Variants in NTM observed in about 807,000 individuals in gnomAD.
NTM encodes neurotrimin.
A neutral mutation model predicts 42.1 loss-of-function variants in NTM; 13 were observed. The ratio of observed to expected loss-of-function variants is 0.31; its 90% CI spans 0.20 to 0.49. The LOEUF (loss-of-function observed/expected upper bound fraction) is 0.49, where lower values mean the gene tolerates loss of function less well. NTM is among the 20% of genes least tolerant of loss of function. The probability of loss-of-function intolerance (pLI) is 0.99; values close to 1 mark genes in which losing one functional copy is unlikely to be tolerated. For missense variants in NTM, 373 were observed against 452.8 expected (o/e 0.82, Z 1.60); for synonymous variants, 187 against 179.2 (o/e 1.04, Z -0.35).
chr11:132,104,036 C>G (rs1173904832), intron 2 of NTM, among the ~76,000 whole-genome samples: 2 of 152,198 alleles, frequency 1.3e-5, no homozygotes, highest in Non-Finnish European at 2.9e-5. Flanking sequence ...TTAGGAAGGT[C>G]ATTCTACAGA....
intron 2 of NTM, among the ~76,000 whole-genome samples, chr11:131,918,473 T>G (rs2056753817): frequency 6.6e-6 from 1 of 152,110 alleles, no homozygotes; most frequent in Non-Finnish European, 1.5e-5. Context: ...TCACAGATAC[T>G]CCATCAGGTG....
At chr11:131,639,741 A>G (rs2324522) in intron 1 of NTM, among the ~76,000 whole-genome samples, 86,926 of 151,780 alleles carry the variant, frequency 0.57, 25,382 homozygotes, top group East Asian at 0.78. Context: ...GCAGATCACA[A>G]GGTCAGGAGT....
rs1045890848 is a variant in NTM, at chr11:132,329,995, G to A, written c.935-158G>A. 1.5e-5 allele frequency: 11 copies of A among 748,764 alleles called. No homozygotes were observed. In the African/African-American group the frequency reaches 1.9e-4, roughly 13 times the overall value. The allele number at this position is 748,764 out of a possible 1,614,324, so 46.4% of individuals were successfully genotyped here. A position where few individuals can be genotyped will look rare whatever the true frequency, so the allele number is the denominator to read the frequency against. ...AAACCAGAGGGGGGTCACATAGGAG[G>A]GCTGGGCAGTGGTCAGGACAGCAAG... On this transcript the variant is annotated intron_variant, in intron 7 of 8. Transcript: ENST00000683400.
At chr11:132,004,542 C>T (rs2135342101) in intron 2 of NTM, among the ~76,000 whole-genome samples, 1 of 151,946 alleles carries the variant, frequency 6.6e-6, no homozygotes, top group Non-Finnish European at 1.5e-5. Context: ...TTATTAGTGT[C>T]CTCTGTAATA....
chr11:131,923,170 A>G (rs2057464515), intron 2 of NTM, among the ~76,000 whole-genome samples: 1 of 152,264 alleles, frequency 6.6e-6, no homozygotes, highest in African/African-American at 2.4e-5. Flanking sequence ...TGTAACACCT[A>G]GAGAAGTCTG....
chr11:131,439,849 A>T (rs1248879373), intron 1 of NTM, among the ~76,000 whole-genome samples: 1 of 151,984 alleles, frequency 6.6e-6, no homozygotes, highest in Non-Finnish European at 1.5e-5. Flanking sequence ...AGATGAACCA[A>T]GTACCTCAGT....
intron 1 of NTM, among the ~76,000 whole-genome samples, chr11:131,730,518 C>T (rs535292047): frequency 6.6e-6 from 1 of 151,780 alleles, no homozygotes; most frequent in Non-Finnish European, 1.5e-5. Flanking sequence ...AGTTTGGGAC[C>T]AGCCTGAGTA....
At chr11:131,707,704 G>T (rs1333103592) in intron 1 of NTM, among the ~76,000 whole-genome samples, 2 of 151,940 alleles carry the variant, frequency 1.3e-5, no homozygotes, top group African/African-American at 4.8e-5. Flanking sequence ...CTGAGCATTT[G>T]CTTTTGACAA....
chr11:131,566,744 C>T (rs1198934854), intron 1 of NTM, among the ~76,000 whole-genome samples: 5 of 152,138 alleles, frequency 3.3e-5, no homozygotes, highest in Non-Finnish European at 7.4e-5. Context: ...TTCCTGCTTT[C>T]GCTTGGGTTG....
rs143939075 is a variant in NTM, at chr11:131,454,271, G to A, written c.82+83383G>A. On this transcript the variant is annotated intron_variant, in intron 1 of 8. Coordinates refer to ENST00000683400, the MANE Select transcript of NTM (RefSeq NM_001352005.2). The stretch of plus-strand genomic sequence containing the variant: ...ATAAATTAAGCTTTATCATAGGTAT[G>A]TATGTATAAGAAAAAACATATTAAC... 2.0e-5 allele frequency among the ~76,000 whole-genome samples: 3 copies of A among 152,278 alleles called. No individual in the cohort carries two copies. The East Asian group carries it at 5.8e-4, about 29-fold the overall frequency.
chr11:132,303,627 A>T (rs1003055268), intron 4 of NTM, among the ~76,000 whole-genome samples: 1 of 151,682 alleles, frequency 6.6e-6, no homozygotes, highest in Non-Finnish European at 1.5e-5. Flanking sequence ...AATTGAACCC[A>T]TAATAGGGTG....
chr11:131,928,122 AT>A (rs1232989282), intron 2 of NTM, among the ~76,000 whole-genome samples: 1 of 152,100 alleles, frequency 6.6e-6, no homozygotes, highest in Non-Finnish European at 1.5e-5. Flanking sequence ...TCACCATAAT[AT>A]TAATAATAAC....
intron 1 of NTM, among the ~76,000 whole-genome samples, chr11:131,497,876 C>A (rs1565565636): frequency 6.6e-6 from 1 of 152,144 alleles, no homozygotes; most frequent in Admixed American, 6.5e-5. Flanking sequence ...GTTCTGTAAC[C>A]ATCCCTCCTG....
At chr11:131,551,470 T>G (rs919248454) in intron 1 of NTM, among the ~76,000 whole-genome samples, 1 of 150,480 alleles carries the variant, frequency 6.6e-6, no homozygotes, top group African/African-American at 2.4e-5. Context: ...TCTACTATGA[T>G]CTCCCTCTTG....
chr11:131,862,275 A>G (rs2046720075), intron 1 of NTM, among the ~76,000 whole-genome samples: 1 of 152,196 alleles, frequency 6.6e-6, no homozygotes, highest in Non-Finnish European at 1.5e-5. Context: ...CACAAAGTCA[A>G]GTTTGAGCCC....
intron 1 of NTM, among the ~76,000 whole-genome samples, chr11:131,645,125 C>T (rs1466786698): frequency 6.6e-6 from 1 of 152,072 alleles, no homozygotes; most frequent in East Asian, 1.9e-4. Flanking sequence ...GTATACCTCA[C>T]AATAATCACA....
intron 1 of NTM, among the ~76,000 whole-genome samples, chr11:131,835,394 C>T (rs1288238540): frequency 6.6e-6 from 1 of 151,862 alleles, no homozygotes; most frequent in Non-Finnish European, 1.5e-5. Flanking sequence ...ATAAACACCT[C>T]CTACAAATAA....
At chr11:131,911,291 A>AG (rs1333663973) in intron 1 of NTM, 50 of 1,428,474 alleles carry the variant, frequency 3.5e-5, no homozygotes, top group Non-Finnish European at 3.9e-5. Context: ...GCAAAAGCCG[A>AG]GGCTGGATTT....
intron 1 of NTM, among the ~76,000 whole-genome samples, chr11:131,688,789 G>A (rs1037085697): frequency 6.6e-6 from 1 of 152,160 alleles, no homozygotes; most frequent in African/African-American, 2.4e-5. Context: ...CTGCTGTCTG[G>A]AGCACCATTT....
Sources: gnomAD v4.1 joint callset for allele counts (sites outside exome capture counted in the v4.1 genomes callset) on GRCh38, gnomAD v4.1.1 for gene constraint, MANE v1.5 for transcripts, NCBI Gene and HGNC (gene_info 2026-07-23, HGNC 2026-07-21) for gene names.